THSD7A: variants seen among roughly 807,000 people sequenced by gnomAD.
THSD7A encodes thrombospondin type 1 domain containing 7A.
A neutral mutation model predicts 231.3 loss-of-function variants in THSD7A; 96 were observed. The observed-to-expected ratio is 0.41, with a 90% CI of 0.35 to 0.49. The LOEUF (loss-of-function observed/expected upper bound fraction) is 0.49, where lower values mean the gene tolerates loss of function less well. Ranked by LOEUF, THSD7A falls within the 20% of genes least tolerant of loss-of-function variation. The pLI is 0.05. For missense variants in THSD7A, 2,290 were observed against 2,070.2 expected (o/e 1.11, Z -2.06); for synonymous variants, 940 against 743.3 (o/e 1.26, Z -4.30).
intron 17 of THSD7A, among the ~76,000 whole-genome samples, chr7:11,414,438 T>C (rs1382557514): frequency 6.6e-6 from 1 of 152,228 alleles, no homozygotes; most frequent in African/African-American, 2.4e-5. Flanking sequence ...ATATGTATAT[T>C]TGGCCACCCT....
At chr7:11,625,771 G>C (rs1781456877) in intron 2 of THSD7A, among the ~76,000 whole-genome samples, 1 of 151,926 alleles carries the variant, frequency 6.6e-6, no homozygotes, top group African/African-American at 2.4e-5. Flanking sequence ...ATTTTCTTTT[G>C]AAAGTATTTC....
Position 11,814,894 on chromosome 7 carries a change from G to A in THSD7A, c.190+16863C>T, listed in dbSNP as rs538634340. On this transcript the variant is annotated intron_variant, in intron 1 of 27. Transcript: ENST00000423059. This position sits in a 1 kb window ranked among gnomAD's most constrained non-coding sequence, Gnocchi z 5.1. Reference sequence around the variant, plus strand: ...CTTTGCTGCATTTCTGTGATTATCTGTGCCAGCTCATGAGCAGCAGATGCC... The same window carrying A: ...CTTTGCTGCATTTCTGTGATTATCTATGCCAGCTCATGAGCAGCAGATGCC... 6.6e-6 allele frequency among the ~76,000 whole-genome samples: 1 copy of A among 151,954 alleles called. No homozygotes were observed. The highest frequency in any genetic ancestry group is 6.6e-5 in the Admixed American group (1 of 15,250).
chr7:11,752,217 C>T (rs1782527610), intron 1 of THSD7A, among the ~76,000 whole-genome samples: 1 of 152,040 alleles, frequency 6.6e-6, no homozygotes, highest in African/African-American at 2.4e-5. Flanking sequence ...CTCCTTATCA[C>T]ACATTCCGTT....
rs116400812 is a variant in THSD7A at position 11,638,991 on chromosome 7, C to A, written c.191-2030G>T. On this transcript the variant is annotated intron_variant, in intron 1 of 27. Coordinates refer to ENST00000423059, the MANE Select transcript of THSD7A (RefSeq NM_015204.3). ...ATAAAATTTTCTAATTAATTCCACACATCCTTGGCATTTATTCCCCATCCC... is the reference window on the plus strand; with the variant it reads ...ATAAAATTTTCTAATTAATTCCACAAATCCTTGGCATTTATTCCCCATCCC... Among the ~76,000 whole-genome samples the A allele has an allele frequency of 5.5e-3, 832 of 152,232 alleles. 8 individuals carry two copies. The highest frequency in any genetic ancestry group is 0.019 in the African/African-American group (790 of 41,558).
chr7:11,472,057 G>C lies in THSD7A; in HGVS notation c.2253-2063C>G, dbSNP rs10950349. ...AATAGTCACAGCAAGATACTTGGCT[G>C]ACTGTGGAGAACAAAATTACAAACA... is the stretch of plus-strand genomic sequence containing the variant. On this transcript the variant is annotated intron_variant, in intron 8 of 27. Coordinates refer to ENST00000423059, the MANE Select transcript of THSD7A (RefSeq NM_015204.3). 2.5e-3 allele frequency among the ~76,000 whole-genome samples: 375 copies of C among 152,002 alleles called. 1 individual carries two copies. The highest frequency in any genetic ancestry group is 8.6e-3 in the African/African-American group (355 of 41,476).
chr7:11,579,165 A>G (rs907875456), intron 4 of THSD7A, among the ~76,000 whole-genome samples: 1 of 152,086 alleles, frequency 6.6e-6, no homozygotes, highest in African/African-American at 2.4e-5. Flanking sequence ...TCCCATTGCT[A>G]TTCTCCTTGG....
At chr7:11,821,245 C>G in intron 1 of THSD7A, 1 of 1,157,812 alleles carries the variant, frequency 8.6e-7, no homozygotes, top group South Asian at 1.2e-5. Context: ...TTCTGAGGGT[C>G]TACGCTGAGA....
At chr7:11,470,943 C>T (rs2128301244) in intron 8 of THSD7A, among the ~76,000 whole-genome samples, 1 of 151,944 alleles carries the variant, frequency 6.6e-6, no homozygotes, top group South Asian at 2.1e-4. Flanking sequence ...AATATACTGT[C>T]TTATTCAAAA....
intron 1 of THSD7A, among the ~76,000 whole-genome samples, chr7:11,708,461 G>T (rs1485252885): frequency 1.3e-5 from 2 of 150,604 alleles, no homozygotes; most frequent in Non-Finnish European, 3.0e-5. Context: ...TCTGCACAAA[G>T]AACTTCTAAT....
chr7:11,548,545 A>G (rs1789493957), intron 4 of THSD7A, among the ~76,000 whole-genome samples: 2 of 152,086 alleles, frequency 1.3e-5, no homozygotes, highest in East Asian at 3.9e-4. Context: ...AACCTGGCAG[A>G]GACACAACAA....
At chr7:11,684,584 C>T (rs768877138) in intron 1 of THSD7A, among the ~76,000 whole-genome samples, 9 of 151,762 alleles carry the variant, frequency 5.9e-5, no homozygotes, top group Non-Finnish European at 1.3e-4. Flanking sequence ...TTTCTATACA[C>T]CAATAATGTT....
At chr7:11,425,981 C>A (rs533243689) in intron 15 of THSD7A, among the ~76,000 whole-genome samples, 20 of 151,830 alleles carry the variant, frequency 1.3e-4, no homozygotes, top group African/African-American at 4.8e-4. Context: ...GTGGGTGCAG[C>A]GCACCAGCAT....
chr7:11,376,449 G>T, intron 27 of THSD7A, 121 bp downstream of exon 27: 1 of 798,110 alleles, frequency 1.3e-6, no homozygotes, highest in Non-Finnish European at 1.9e-6. Context: ...CTAAAGCCAT[G>T]TTTATTTAGA....
chr7:11,544,484 T>G (rs141407641), intron 4 of THSD7A, among the ~76,000 whole-genome samples: 1,993 of 152,338 alleles, frequency 0.013, 23 homozygotes, highest in Non-Finnish European at 0.021. Flanking sequence ...CTCATTCTCC[T>G]GTGTGAAAGG....
intron 6 of THSD7A, among the ~76,000 whole-genome samples, chr7:11,483,451 A>T (rs1323191887): frequency 6.6e-6 from 1 of 152,176 alleles, no homozygotes; most frequent in Non-Finnish European, 1.5e-5. Context: ...ATATTTTATT[A>T]TTCATTCTTA....
At chr7:11,727,659 A>C (rs559953690) in intron 1 of THSD7A, among the ~76,000 whole-genome samples, 128 of 152,170 alleles carry the variant, frequency 8.4e-4, no homozygotes, top group Non-Finnish European at 1.7e-3. Flanking sequence ...AAAATTGTTC[A>C]AGAAAATATA....
intron 4 of THSD7A, among the ~76,000 whole-genome samples, chr7:11,587,386 T>C (rs1779953944): frequency 6.6e-6 from 1 of 152,192 alleles, no homozygotes. Context: ...AATGATATAG[T>C]AGAAATTCTG....
chr7:11,528,974 G>A (rs1319126013), intron 6 of THSD7A, among the ~76,000 whole-genome samples: 3 of 152,074 alleles, frequency 2.0e-5, no homozygotes, highest in East Asian at 3.9e-4. Flanking sequence ...AATATTCCCT[G>A]ATCATACATA....
chr7:11,813,925 C>T (rs192089810), intron 1 of THSD7A, among the ~76,000 whole-genome samples: 1 of 152,122 alleles, frequency 6.6e-6, no homozygotes, highest in African/African-American at 2.4e-5. Flanking sequence ...GTAGGAACAA[C>T]CCAAATGTCT....
Sources: allele counts gnomAD v4.1 joint callset (sites outside exome capture counted in the v4.1 genomes callset), GRCh38; gene constraint gnomAD v4.1.1; non-coding constraint Gnocchi (gnomAD v3.1); transcripts MANE v1.5; gene names NCBI Gene and HGNC (gene_info 2026-07-23, HGNC 2026-07-21).